TMEM266: variants seen among roughly 807,000 people sequenced by gnomAD.
TMEM266 encodes Hv1 related protein 1.
A neutral mutation model predicts 50.5 loss-of-function variants in TMEM266; 33 were observed. The observed-to-expected ratio is 0.65, with a 90% CI of 0.50 to 0.87. The LOEUF is 0.87. TMEM266 is among the 40% of genes least tolerant of loss of function. TMEM266 has a pLI of 0.00. For missense variants in TMEM266, 655 were observed against 695.1 expected, an observed-to-expected ratio of 0.94 and a Z score of 0.65; for synonymous variants, 310 against 292.3, an observed-to-expected ratio of 1.06 and a Z score of -0.62.
At chr15:76,107,249 T>C (rs2142008316) in intron 1 of TMEM266, among the ~76,000 whole-genome samples, 1 of 152,342 alleles carries the variant, frequency 6.6e-6, no homozygotes, top group East Asian at 1.9e-4. Context: ...CATTCTTTCA[T>C]TCATACGAGG....
At chr15:76,129,396 C>T (rs1032302918) in intron 1 of TMEM266, among the ~76,000 whole-genome samples, 1 of 152,100 alleles carries the variant, frequency 6.6e-6, no homozygotes, top group Non-Finnish European at 1.5e-5. Context: ...AATCCCAGCA[C>T]TTTGGGAGGC....
intron 9 of TMEM266, among the ~76,000 whole-genome samples, chr15:76,192,416 G>GCA (rs1232242491): frequency 1.3e-5 from 2 of 152,224 alleles, no homozygotes; most frequent in Non-Finnish European, 2.9e-5. Context: ...CCACTGGCGT[G>GCA]CGTTGTGTGT....
At chr15:76,186,426 A>G (rs1436919198) in intron 8 of TMEM266, among the ~76,000 whole-genome samples, 1 of 152,168 alleles carries the variant, frequency 6.6e-6, no homozygotes, top group Non-Finnish European at 1.5e-5. Context: ...GCCAACAGCC[A>G]TTTTGCCCAT....
intron 5 of TMEM266, among the ~76,000 whole-genome samples, chr15:76,165,866 TGG>T (rs1405605793): frequency 6.6e-6 from 1 of 152,190 alleles, no homozygotes; most frequent in Non-Finnish European, 1.5e-5. Context: ...TTATTGCTTG[TGG>T]GCCTGTGGTC....
chr15:76,132,355 C>T (rs1246446505), intron 1 of TMEM266, among the ~76,000 whole-genome samples: 3 of 151,856 alleles, frequency 2.0e-5, no homozygotes, highest in African/African-American at 7.3e-5. Context: ...ATGATCCACC[C>T]GCCTCAGCCT....
intron 1 of TMEM266, among the ~76,000 whole-genome samples, chr15:76,077,683 A>G (rs2036625462): frequency 6.6e-6 from 1 of 152,078 alleles, no homozygotes; most frequent in Non-Finnish European, 1.5e-5. Context: ...GACTGGATTG[A>G]TGAAACTACA....
At chr15:76,131,174 C>T (rs551125932) in intron 1 of TMEM266, among the ~76,000 whole-genome samples, 10 of 152,208 alleles carry the variant, frequency 6.6e-5, no homozygotes, top group Non-Finnish European at 1.5e-4. Flanking sequence ...ATCAGGAGTT[C>T]GAGACCAACC....
At chr15:76,135,944 T>G (rs2037581030) in intron 2 of TMEM266, among the ~76,000 whole-genome samples, 1 of 149,612 alleles carries the variant, frequency 6.7e-6, no homozygotes, top group Non-Finnish European at 1.5e-5. Context: ...AGCTGTGGGT[T>G]TTTTTTTTTT....
At chr15:76,105,612 T>TG (rs1367507718) in intron 1 of TMEM266, among the ~76,000 whole-genome samples, 1 of 152,252 alleles carries the variant, frequency 6.6e-6, no homozygotes, top group African/African-American at 2.4e-5. Flanking sequence ...AGCATGGCTG[T>TG]GTTCCAGTGA....
chr15:76,151,710 C>T (rs190463595), intron 3 of TMEM266, among the ~76,000 whole-genome samples: 3 of 152,264 alleles, frequency 2.0e-5, no homozygotes, highest in Non-Finnish European at 2.9e-5. Context: ...TCTGAGATAC[C>T]TGTTACCTCT....
intron 9 of TMEM266, among the ~76,000 whole-genome samples, chr15:76,200,126 T>G (rs547340976): frequency 2.0e-5 from 3 of 152,134 alleles, no homozygotes; most frequent in African/African-American, 4.8e-5. Flanking sequence ...GAGGGTGGGC[T>G]CACTGTGACT....
At chr15:76,134,033 G>C in intron 1 of TMEM266, 135 bp from the exon 2 acceptor site, 3 of 435,140 alleles carry the variant, frequency 6.9e-6, no homozygotes, top group Non-Finnish European at 8.2e-6. Context: ...TAGGGTAATT[G>C]TAAGAATCTA....
intron 6 of TMEM266, 78 bp downstream of exon 6, chr15:76,169,950 A>G: frequency 7.1e-7 from 1 of 1,405,252 alleles, no homozygotes; most frequent in Non-Finnish European, 9.9e-7. Flanking sequence ...CATCCATTCC[A>G]GGGTGGACAC....
intron 9 of TMEM266, among the ~76,000 whole-genome samples, chr15:76,193,205 A>G (rs1390163059): frequency 1.3e-5 from 2 of 151,712 alleles, no homozygotes; most frequent in Non-Finnish European, 2.9e-5. Flanking sequence ...AGGCACTGCA[A>G]CACTGCAAAC....
intron 9 of TMEM266, among the ~76,000 whole-genome samples, chr15:76,198,567 T>G (rs2038691152): frequency 6.6e-6 from 1 of 152,208 alleles, no homozygotes; most frequent in African/African-American, 2.4e-5. Flanking sequence ...GTGTGGTGAC[T>G]CCATGGCTCC....
chr15:76,137,612 G>A, intron 2 of TMEM266, 95 bp from the exon 3 acceptor site: 1 of 1,266,390 alleles, frequency 7.9e-7, no homozygotes, highest in Non-Finnish European at 1.1e-6. Flanking sequence ...CCCTCCACTG[G>A]CATAGCAGCA....
intron 1 of TMEM266, among the ~76,000 whole-genome samples, chr15:76,117,028 T>C (rs750419355): frequency 1.6e-4 from 25 of 151,684 alleles, no homozygotes; most frequent in South Asian, 8.4e-4. Context: ...GCCTCCTGAA[T>C]AGCTGGGATT....
chr15:76,193,756 C>T (rs1168089695), intron 9 of TMEM266, among the ~76,000 whole-genome samples: 1 of 152,206 alleles, frequency 6.6e-6, no homozygotes, highest in Admixed American at 6.5e-5. Flanking sequence ...GGCCTGGTCC[C>T]CTGCCCCTGC....
intron 4 of TMEM266, among the ~76,000 whole-genome samples, chr15:76,158,293 G>T (rs148035121): frequency 2.0e-3 from 303 of 152,302 alleles, no homozygotes; most frequent in Non-Finnish European, 3.8e-3. Flanking sequence ...TATGCAGCTG[G>T]TGGCCCCTTG....
Sources: allele counts gnomAD v4.1 joint callset (sites outside exome capture counted in the v4.1 genomes callset), GRCh38; gene constraint gnomAD v4.1.1; transcripts MANE v1.5; gene names NCBI Gene and HGNC (gene_info 2026-07-23, HGNC 2026-07-21).